The following NBEA variants were observed in gnomAD, a reference collection of about 807,000 sequenced individuals.
NBEA encodes the protein neurobeachin.
Under a neutral mutation model 343.4 loss-of-function variants are expected in NBEA, and 44 were observed. That is an observed-to-expected ratio of 0.13 (90% CI 0.10 to 0.16). The LOEUF is 0.16. Among genes scored for constraint, NBEA ranks in the 10% least tolerant of loss-of-function variants. NBEA has a pLI of 1.00. For synonymous variants in NBEA, 1,175 were observed against 1,238.7 expected (o/e 0.95, Z 1.08); for missense variants, 2,555 against 3,631.3 (o/e 0.70, Z 7.62).
chr13:35,294,572 G>A (rs1329581606), intron 35 of NBEA, among the ~76,000 whole-genome samples: 1 of 151,818 alleles, frequency 6.6e-6, no homozygotes, highest in Non-Finnish European at 1.5e-5. Flanking sequence ...CATTTAATTT[G>A]GTAGTTATTT....
chr13:35,566,758 G>A, intron 44 of NBEA, 147 bp from the exon 45 acceptor site: 1 of 515,118 alleles, frequency 1.9e-6, no homozygotes, highest in Non-Finnish European at 3.5e-6. Flanking sequence ...GAATTCCCTT[G>A]AAATGCATTG....
intron 30 of NBEA, among the ~76,000 whole-genome samples, chr13:35,195,616 C>T (rs1213220893): frequency 6.6e-6 from 1 of 151,882 alleles, no homozygotes; most frequent in Non-Finnish European, 1.5e-5. Context: ...AGGCTGGTCT[C>T]GAACTCCTGA....
intron 12 of NBEA, among the ~76,000 whole-genome samples, chr13:35,109,742 A>G (rs1230404037): frequency 6.6e-6 from 1 of 152,156 alleles, no homozygotes; most frequent in Non-Finnish European, 1.5e-5. Flanking sequence ...AAGAGAACAG[A>G]TAACTAATTG....
intron 34 of NBEA, among the ~76,000 whole-genome samples, chr13:35,278,560 T>C (rs2034810938): frequency 6.6e-6 from 1 of 152,214 alleles, no homozygotes; most frequent in South Asian, 2.1e-4. Context: ...TGCCTGTTGG[T>C]TTAGCCACTT....
intron 36 of NBEA, among the ~76,000 whole-genome samples, chr13:35,320,286 A>G (rs924226171): frequency 1.1e-4 from 16 of 152,112 alleles, no homozygotes; most frequent in African/African-American, 3.4e-4. Flanking sequence ...TGCAAGGCAG[A>G]CCTGGTGGTG....
chr13:35,303,116 C>T (rs1477302292), intron 35 of NBEA, among the ~76,000 whole-genome samples: 1 of 151,880 alleles, frequency 6.6e-6, no homozygotes, highest in Non-Finnish European at 1.5e-5. Context: ...CAGAGGAGAA[C>T]AAAAAAATCT....
At chr13:35,265,059 A>G (rs1303423749) in intron 34 of NBEA, among the ~76,000 whole-genome samples, 1 of 151,992 alleles carries the variant, frequency 6.6e-6, no homozygotes, top group Non-Finnish European at 1.5e-5. Flanking sequence ...AAATCAATAT[A>G]CAAAAAATCA....
At chr13:35,236,817 C>T (rs547100088) in intron 34 of NBEA, among the ~76,000 whole-genome samples, 11 of 151,750 alleles carry the variant, frequency 7.2e-5, no homozygotes, top group African/African-American at 2.2e-4. Flanking sequence ...CATTTTCAGG[C>T]TCATTAAGCA....
At position 35,623,475 on chromosome 13, in the gene NBEA, A is replaced by G. The variant is rs115188799; in HGVS notation, c.7450-4606A>G. Among the ~76,000 whole-genome samples the G allele has an allele frequency of 2.0e-3, 305 of 152,280 alleles. 2 individuals are homozygous for G. The highest frequency in any genetic ancestry group is 6.4e-3 in the African/African-American group (265 of 41,572). On this transcript the variant is annotated intron_variant, in intron 48 of 58. Transcript: ENST00000379939. ...TTTCTGCACAGTAAGTGGCAAGATA[A>G]AAAATCGACAAGACTTTGTTTAACC...
rs373084798 is a variant in NBEA at position 35,466,958 on chromosome 13, G to C, written c.6449-5442G>C. Among the ~76,000 whole-genome samples, 56 of 151,752 alleles carry C rather than the reference G, an allele frequency of 3.7e-4. 1 individual carries two copies. The South Asian group carries it at 5.0e-3, about 13-fold the overall frequency. ...AACCATCCTGGATATCTAAAATTTGGGAATCTAAAATTTTTTACAGTATTT... is the reference window on the plus strand; with the variant it reads ...AACCATCCTGGATATCTAAAATTTGCGAATCTAAAATTTTTTACAGTATTT... On this transcript the variant is annotated intron_variant, in intron 40 of 58. Transcript: ENST00000379939.
intron 1 of NBEA, among the ~76,000 whole-genome samples, chr13:35,004,764 G>T (rs2061260308): frequency 6.6e-6 from 1 of 152,154 alleles, no homozygotes; most frequent in Non-Finnish European, 1.5e-5. Flanking sequence ...GTGCTATCTG[G>T]TTAAAGATCC....
intron 41 of NBEA, among the ~76,000 whole-genome samples, chr13:35,541,451 G>A (rs1182895992): frequency 6.6e-6 from 1 of 152,058 alleles, no homozygotes; most frequent in Non-Finnish European, 1.5e-5. Flanking sequence ...TGGTAGAAAA[G>A]AGCTGACCTA....
intron 38 of NBEA, among the ~76,000 whole-genome samples, chr13:35,416,148 G>T (rs141105555): frequency 6.6e-6 from 1 of 152,062 alleles, no homozygotes. Context: ...AGATGATGGG[G>T]TTTTCTAAAT....
intron 40 of NBEA, among the ~76,000 whole-genome samples, chr13:35,460,537 T>C (rs1315828782): frequency 1.3e-5 from 2 of 152,200 alleles, no homozygotes; most frequent in East Asian, 3.8e-4. Context: ...ATATTGAGCC[T>C]CTTTGCCTCT....
At chr13:35,558,003 G>A (rs1413378112) in intron 44 of NBEA, among the ~76,000 whole-genome samples, 7 of 151,638 alleles carry the variant, frequency 4.6e-5, no homozygotes, top group African/African-American at 1.7e-4. Flanking sequence ...TATAGTGTTA[G>A]AGTAGAAGGG....
chr13:35,397,773 T>C (rs1381959018), intron 38 of NBEA, among the ~76,000 whole-genome samples: 1 of 152,184 alleles, frequency 6.6e-6, no homozygotes, highest in Non-Finnish European at 1.5e-5. Flanking sequence ...GAAAACACTT[T>C]AATTTAAAAA....
intron 10 of NBEA, among the ~76,000 whole-genome samples, chr13:35,082,769 G>GT (rs2064490837): frequency 6.6e-6 from 1 of 152,004 alleles, no homozygotes; most frequent in Non-Finnish European, 1.5e-5. Context: ...GGGGTTGTTT[G>GT]TTTTTTTCTT....
At chr13:35,252,080 A>G (rs547352903) in intron 34 of NBEA, among the ~76,000 whole-genome samples, 2 of 152,332 alleles carry the variant, frequency 1.3e-5, no homozygotes, top group South Asian at 4.1e-4. Context: ...TACTGCTATA[A>G]AGAACTGCCC....
intron 35 of NBEA, among the ~76,000 whole-genome samples, chr13:35,304,161 C>T (rs1331578229): frequency 6.6e-6 from 1 of 152,158 alleles, no homozygotes; most frequent in Non-Finnish European, 1.5e-5. Flanking sequence ...GACAAGAAGA[C>T]TTCTGCCACC....
Sources: gnomAD v4.1 joint callset for allele counts (sites outside exome capture counted in the v4.1 genomes callset) on GRCh38, gnomAD v4.1.1 for gene constraint, MANE v1.5 for transcripts, NCBI Gene and HGNC (gene_info 2026-07-23, HGNC 2026-07-21) for gene names.